ABCA13: variants seen among roughly 807,000 people sequenced by gnomAD.
The protein encoded by ABCA13 is ATP binding cassette subfamily A member 13, also known as ATP-binding cassette sub-family A member 13.
Under a neutral mutation model 478.7 loss-of-function variants are expected in ABCA13, and 476 were observed. The ratio of observed to expected loss-of-function variants is 0.99; its 90% confidence interval spans 0.92 to 1.07. The LOEUF (loss-of-function observed/expected upper bound fraction) is 1.07. Ranked by LOEUF, ABCA13 falls within the 50% of genes least tolerant of loss-of-function variation. The pLI is 0.00. For synonymous variants in ABCA13, 2,252 were observed against 2,158.9 expected (o/e 1.04, Z -1.20); for missense variants, 6,060 against 5,910.6 (o/e 1.03, Z -0.83).
chr7:48,555,626 AATG>A (rs1785739665), intron 55 of ABCA13, among the ~76,000 whole-genome samples: 1 of 151,902 alleles, frequency 6.6e-6, no homozygotes, highest in African/African-American at 2.4e-5. Flanking sequence ...AGTAGCCACT[AATG>A]ATCCTTTGAA....
At chr7:48,235,148 C>T (rs1412674502) in intron 8 of ABCA13, among the ~76,000 whole-genome samples, 1 of 152,140 alleles carries the variant, frequency 6.6e-6, no homozygotes, top group Admixed American at 6.5e-5. Flanking sequence ...TAGGTTTAGG[C>T]TTCACCAAAG....
In ABCA13 at chr7:48,643,332, C is replaced by A; in HGVS notation, c.14882C>A (p.Ala4961Glu). Residue 4961 changes from alanine (A) to glutamate (E), a missense_variant, in exon 60 of 62, where the codon GCA becomes GAA. Physicochemically the swap from Ala to Glu is moderately radical, Grantham distance 107. Coordinates refer to ENST00000435803, the MANE Select transcript of ABCA13 (RefSeq NM_152701.5). ...YTVKVWLCKE[A>E]NQHCTVSDHL... ...GTCAAAGTTTGGCTCTGTAAGGAAG[C>A]AAATCAACATTGCACTGTTTCTGAC... 6.2e-7 allele frequency: 1 copy of A among 1,613,318 alleles called. No homozygotes were observed. Among genetic ancestry groups the A allele is most frequent in the South Asian group, 1.1e-5 (1 of 90,866 alleles).
At chr7:48,177,979 A>G (rs1222144749) in intron 1 of ABCA13, among the ~76,000 whole-genome samples, 1 of 152,168 alleles carries the variant, frequency 6.6e-6, no homozygotes, top group Non-Finnish European at 1.5e-5. Flanking sequence ...AAGAGCAGTG[A>G]TCTAGGAAAA....
At chr7:48,190,791 A>G (rs1562736565) in intron 1 of ABCA13, among the ~76,000 whole-genome samples, 1 of 152,194 alleles carries the variant, frequency 6.6e-6, no homozygotes, top group African/African-American at 2.4e-5. Flanking sequence ...AGTTATACAT[A>G]TACATGTATT....
chr7:48,547,479 T>C (rs897387220), intron 55 of ABCA13, among the ~76,000 whole-genome samples: 1 of 151,936 alleles, frequency 6.6e-6, no homozygotes, highest in African/African-American at 2.4e-5. Context: ...AAGCATTGAC[T>C]TCAGTCGGCC....
chr7:48,405,347 G>A (rs190726938), intron 39 of ABCA13, among the ~76,000 whole-genome samples: 1 of 152,320 alleles, frequency 6.6e-6, no homozygotes, highest in East Asian at 1.9e-4. Context: ...TTGACACCCA[G>A]ACACCAGATG....
chr7:48,601,275 C>T lies in ABCA13; in HGVS notation c.14744+6462C>T, dbSNP rs950215649. Among the ~76,000 whole-genome samples, 9 of 151,900 alleles carry T rather than the reference C, an allele frequency of 5.9e-5. No individual in the cohort carries two copies. In the East Asian group the frequency reaches 7.7e-4, roughly 13 times the overall value. ...AAAGTTATGGGGTATGTGTGCAGAA[C>T]GTGCAGGTTTGTTACATAGGTATAC... is the stretch of plus-strand genomic sequence containing the variant. On this transcript the variant is annotated intron_variant, in intron 58 of 61. Transcript: ENST00000435803.
intron 19 of ABCA13, among the ~76,000 whole-genome samples, chr7:48,286,762 C>T (rs1444444333): frequency 6.6e-6 from 1 of 152,102 alleles, no homozygotes; most frequent in Non-Finnish European, 1.5e-5. Context: ...CACGGCCTCC[C>T]AAAGTGCTGG....
intron 29 of ABCA13, among the ~76,000 whole-genome samples, chr7:48,341,138 T>G (rs143939892): frequency 6.6e-6 from 1 of 152,330 alleles, no homozygotes; most frequent in Non-Finnish European, 1.5e-5. Flanking sequence ...GGCTATGCAT[T>G]ATAATGACAT....
At chr7:48,193,961 G>A (rs1411829605) in intron 2 of ABCA13, among the ~76,000 whole-genome samples, 1 of 81,898 alleles carries the variant, frequency 1.2e-5, no homozygotes, top group Non-Finnish European at 2.6e-5. Flanking sequence ...TGATCATTAT[G>A]ATTGAGATGA....
At chr7:48,219,245 G>C in intron 3 of ABCA13, 109 bp from the exon 4 acceptor site, 1 of 1,178,278 alleles carries the variant, frequency 8.5e-7, no homozygotes, top group Non-Finnish European at 1.2e-6. Flanking sequence ...GAGAGTGTAA[G>C]TTGGTACAAG....
chr7:48,219,661 C>T (rs142666461), intron 4 of ABCA13, among the ~76,000 whole-genome samples, 156 bp downstream of exon 4: 85 of 152,254 alleles, frequency 5.6e-4, no homozygotes, highest in African/African-American at 8.9e-4. Context: ...CACCTGCAGA[C>T]GGTTGTGGAG....
intron 27 of ABCA13, among the ~76,000 whole-genome samples, chr7:48,326,392 CTTTG>C (rs1563056086): frequency 1.3e-5 from 2 of 152,166 alleles, no homozygotes. Flanking sequence ...AAATTGGTTT[CTTTG>C]TTTTAGACTA....
chr7:48,541,022 T>C (rs759905432), intron 55 of ABCA13, among the ~76,000 whole-genome samples: 11 of 152,122 alleles, frequency 7.2e-5, no homozygotes, highest in Non-Finnish European at 1.5e-4. Context: ...TAAGATTTGT[T>C]TTATGAATTT....
At chr7:48,437,510 G>A (rs1175295270) in intron 42 of ABCA13, among the ~76,000 whole-genome samples, 1 of 151,852 alleles carries the variant, frequency 6.6e-6, no homozygotes, top group Non-Finnish European at 1.5e-5. Context: ...TTTATATATT[G>A]CTTTCCTGAT....
intron 56 of ABCA13, 50 bp from the exon 57 acceptor site, chr7:48,587,104 T>C: frequency 6.2e-7 from 1 of 1,607,708 alleles, no homozygotes; most frequent in East Asian, 2.2e-5. Flanking sequence ...AGCTGTCTGG[T>C]GGGCACTTTG....
Position 48,331,542 on chromosome 7 carries a change from G to A in ABCA13, c.10000-3880G>A, listed in dbSNP as rs114664060. On this transcript the variant is annotated intron_variant, in intron 27 of 61. Transcript: ENST00000435803. ...TGGTCAGTGGGCACCTCTTCATTTA[G>A]AATTCCATGTTCTTTTAAAAATTAA... Among the ~76,000 whole-genome samples, 383 of 152,274 alleles carry A rather than the reference G, an allele frequency of 2.5e-3. 1 individual carries two copies. The highest frequency in any genetic ancestry group is 8.7e-3 in the African/African-American group (360 of 41,546).
chr7:48,580,722 C>A (rs550086460), intron 56 of ABCA13, among the ~76,000 whole-genome samples: 37 of 152,246 alleles, frequency 2.4e-4, no homozygotes, highest in African/African-American at 8.7e-4. Context: ...AGAAATATCA[C>A]AAACTCTGTA....
intron 55 of ABCA13, among the ~76,000 whole-genome samples, chr7:48,535,291 C>T (rs539596498): frequency 1.8e-4 from 27 of 152,240 alleles, no homozygotes; most frequent in Admixed American, 1.3e-3. Flanking sequence ...TTGTGTTTAG[C>T]CACCCAGCAG....
Sources: allele counts gnomAD v4.1 joint callset (sites outside exome capture counted in the v4.1 genomes callset), GRCh38; gene constraint gnomAD v4.1.1; transcripts MANE v1.5; gene names NCBI Gene and HGNC (gene_info 2026-07-23, HGNC 2026-07-21).